The following ARHGEF26 variants were observed in gnomAD, a reference collection of about 807,000 sequenced individuals.
ARHGEF26 encodes Rho guanine nucleotide exchange factor (GEF) 26.
In ARHGEF26, 59 loss-of-function variants were observed where a neutral mutation model predicts 89.4. The ratio of observed to expected loss-of-function variants is 0.66; its 90% CI spans 0.54 to 0.82. The LOEUF is 0.82. Among genes scored for constraint, ARHGEF26 ranks in the 40% least tolerant of loss-of-function variants. ARHGEF26 has a pLI of 0.00. For synonymous variants in ARHGEF26, 500 were observed against 428.4 expected, an observed-to-expected ratio of 1.17 and a Z score of -2.06; for missense variants, 1,234 against 1,085.6, an observed-to-expected ratio of 1.14 and a Z score of -1.92.
Position 154,191,426 on chromosome 3 carries a change from A to C in ARHGEF26, c.1770+8A>C. ...CTTCCCCTGCTGATGGATGTAAGAC[A>C]TGACGGTGGCTTTTTCCTCTGTGGA... On this transcript the variant is annotated splice_region_variant and intron_variant, in intron 8 of 14. Transcript: ENST00000465093. The C allele has an allele frequency of 6.2e-7, 1 of 1,610,882 alleles. No homozygotes were observed. The highest frequency in any genetic ancestry group is 8.5e-7 in the Non-Finnish European group (1 of 1,178,924).
intron 9 of ARHGEF26, among the ~76,000 whole-genome samples, chr3:154,196,697 G>A (rs1255126638): frequency 6.6e-6 from 1 of 152,144 alleles, no homozygotes; most frequent in African/African-American, 2.4e-5. Flanking sequence ...AGCCTGACAA[G>A]TGAGAAGTTA....
intron 12 of ARHGEF26, among the ~76,000 whole-genome samples, chr3:154,243,556 CTGAA>C (rs1297004687): frequency 2.0e-5 from 3 of 152,202 alleles, no homozygotes; most frequent in African/African-American, 7.2e-5. Flanking sequence ...TTGCCAAAGA[CTGAA>C]TGGTTGTTCG....
At chr3:154,221,498 A>G (rs1716127444) in intron 10 of ARHGEF26, among the ~76,000 whole-genome samples, 1 of 152,208 alleles carries the variant, frequency 6.6e-6, no homozygotes, top group Non-Finnish European at 1.5e-5. Context: ...GTACTCATGA[A>G]TGTATAAAAT....
chr3:154,131,642 A>G (rs182852696), intron 4 of ARHGEF26, among the ~76,000 whole-genome samples: 1 of 152,302 alleles, frequency 6.6e-6, no homozygotes, highest in Non-Finnish European at 1.5e-5. Context: ...GAGAAGAAAG[A>G]AGGCTGTGAA....
rs1461456933 is a variant in ARHGEF26, at chr3:154,122,348, C to T, written c.356C>T (p.Ala119Val). ...CCCAAGTCACCCAAGCTCCCCAAAG[C>T]GGTGCCTGGCGGCTCCCCGAAATCC... ...RRPKSPKLPKAVPGGSPKSPA... is the reference protein window; with the variant it reads ...RRPKSPKLPKVVPGGSPKSPA... Residue 119 changes from alanine to valine, a missense_variant, in exon 2 of 15, where the codon GCG (alanine) becomes GTG (valine). Physicochemically the swap from Ala to Val is moderately conservative, Grantham distance 64. Transcript: ENST00000465093. 1.2e-6 allele frequency: 2 copies of T among 1,612,544 alleles called. No homozygotes were observed. The highest frequency in any genetic ancestry group is 1.7e-6 in the Non-Finnish European group (2 of 1,179,720).
At chr3:154,132,933 T>C (rs777992492) in intron 4 of ARHGEF26, among the ~76,000 whole-genome samples, 1 of 152,174 alleles carries the variant, frequency 6.6e-6, no homozygotes, top group Non-Finnish European at 1.5e-5. Flanking sequence ...AGGGGTTTTC[T>C]GGCAGTGGGT....
intron 7 of ARHGEF26, among the ~76,000 whole-genome samples, chr3:154,188,590 G>C (rs904460036): frequency 3.9e-5 from 6 of 152,134 alleles, no homozygotes; most frequent in African/African-American, 1.2e-4. Context: ...GTGCACTGCT[G>C]TAAACCCAGT....
intron 9 of ARHGEF26, among the ~76,000 whole-genome samples, chr3:154,195,978 G>A (rs571761510): frequency 1.3e-5 from 2 of 152,094 alleles, no homozygotes; most frequent in East Asian, 1.9e-4. Context: ...AAGGAAAACC[G>A]TAATAGCTTG....
chr3:154,192,072 G>T (rs1212764255), intron 8 of ARHGEF26, among the ~76,000 whole-genome samples: 2 of 152,192 alleles, frequency 1.3e-5, no homozygotes, highest in African/African-American at 4.8e-5. Flanking sequence ...GGGCAGGAGA[G>T]CCTGCCACTG....
rs1441680727 is a variant in ARHGEF26, at chr3:154,122,018, T to C, written c.26T>C (p.Phe9Ser). 1 of 1,595,622 alleles carries C rather than the reference T, an allele frequency of 6.3e-7. No individual in the cohort carries two copies. The highest frequency in any genetic ancestry group is 8.6e-7 in the Non-Finnish European group (1 of 1,165,356). Residue 9 changes from phenylalanine to serine, a missense_variant, in exon 2 of 15, where the codon TTT (phenylalanine) becomes TCT (serine). Coordinates refer to ENST00000465093, the MANE Select transcript of ARHGEF26 (RefSeq NM_015595.4). ...ATGGACGGCGAGAGCGAGGTGGATT[T>C]TTCTAGCAACAGCATAACCCCTTTG... MDGESEVD[F>S]SSNSITPLWR...
intron 6 of ARHGEF26, among the ~76,000 whole-genome samples, chr3:154,171,576 A>G (rs917424565): frequency 3.3e-5 from 5 of 151,928 alleles, no homozygotes; most frequent in African/African-American, 1.2e-4. Context: ...TATTATTTCT[A>G]TAGTTTTGCC....
chr3:154,212,341 CAAAA>C (rs59256396), intron 9 of ARHGEF26, among the ~76,000 whole-genome samples: 2 of 138,150 alleles, frequency 1.4e-5, no homozygotes, highest in African/African-American at 2.7e-5. Flanking sequence ...GACCCTGTCT[CAAAA>C]AAAAAAAAAA....
intron 7 of ARHGEF26, among the ~76,000 whole-genome samples, chr3:154,188,853 A>G (rs10935980): frequency 0.19 from 29,040 of 152,118 alleles, 3,101 homozygotes; most frequent in South Asian, 0.37. Context: ...TGGAAAACAC[A>G]CAGCTGCTAA....
At chr3:154,204,219 T>C (rs781058636) in intron 9 of ARHGEF26, among the ~76,000 whole-genome samples, 1 of 152,180 alleles carries the variant, frequency 6.6e-6, no homozygotes. Context: ...TGGTTCAATC[T>C]TGGTAGGTGG....
At chr3:154,189,402 A>G (rs1050777044) in intron 7 of ARHGEF26, among the ~76,000 whole-genome samples, 1 of 148,952 alleles carries the variant, frequency 6.7e-6, no homozygotes, top group Non-Finnish European at 1.5e-5. Flanking sequence ...CAGTGGCGCA[A>G]TCTTGGGTCA....
At chr3:154,233,755 T>C (rs908085153) in intron 11 of ARHGEF26, among the ~76,000 whole-genome samples, 3 of 152,194 alleles carry the variant, frequency 2.0e-5, no homozygotes, top group Non-Finnish European at 4.4e-5. Context: ...GAAATCCAGG[T>C]GTTTAATTTG....
chr3:154,245,461 T>TA (rs1717748753), intron 12 of ARHGEF26, among the ~76,000 whole-genome samples: 1 of 152,344 alleles, frequency 6.6e-6, no homozygotes, highest in East Asian at 1.9e-4. Flanking sequence ...TTTTCCATGT[T>TA]AAACTTCCTT....
Position 154,176,864 on chromosome 3 carries a change from G to A in ARHGEF26, c.1488-10821G>A, listed in dbSNP as rs969408635. ...TTCCTACATTGCCCAGGCTAGTCTC[G>A]AACTCCTGGGCTTAAACAATCCTCT... On this transcript the variant is annotated intron_variant, in intron 6 of 14. Transcript: ENST00000465093. 4.6e-5 allele frequency among the ~76,000 whole-genome samples: 7 copies of A among 152,134 alleles called. No individual in the cohort carries two copies. The South Asian group carries it at 1.2e-3, about 27-fold the overall frequency.
chr3:154,234,952 C>T (rs772646018), intron 11 of ARHGEF26, among the ~76,000 whole-genome samples: 12 of 152,100 alleles, frequency 7.9e-5, no homozygotes, highest in East Asian at 1.9e-4. Context: ...TTTTTAGAGA[C>T]GGGGTTTCAC....
Sources: allele counts gnomAD v4.1 joint callset (sites outside exome capture counted in the v4.1 genomes callset), GRCh38; gene constraint gnomAD v4.1.1; transcripts MANE v1.5; gene names NCBI Gene and HGNC (gene_info 2026-07-23, HGNC 2026-07-21).